GALNT2: variants seen among roughly 807,000 people sequenced by gnomAD.
GALNT2 encodes the protein polypeptide N-acetylgalactosaminyltransferase 2.
In GALNT2, 31 loss-of-function variants were observed where a neutral mutation model predicts 81.4. That is an observed-to-expected ratio of 0.38 (90% CI 0.29 to 0.51). The LOEUF (loss-of-function observed/expected upper bound fraction) is 0.51. GALNT2 is among the 20% of genes least tolerant of loss of function. GALNT2 has a pLI of 0.87. For synonymous variants in GALNT2, 303 were observed against 287.4 expected (o/e 1.05, Z -0.55); for missense variants, 629 against 765.7 (o/e 0.82, Z 2.11).
chr1:230,246,030 A>G (rs768973321), intron 7 of GALNT2, 33 bp from the exon 8 acceptor site: 1 of 1,581,856 alleles, frequency 6.3e-7, no homozygotes, highest in Non-Finnish European at 8.7e-7. Context: ...TTTTGCTGGG[A>G]TTTTGATAAC....
At chr1:230,112,610 C>T (rs765245037) in intron 1 of GALNT2, among the ~76,000 whole-genome samples, 9 of 152,120 alleles carry the variant, frequency 5.9e-5, no homozygotes, top group African/African-American at 1.7e-4. Flanking sequence ...AGCTGTGATT[C>T]GTTCTTTTCC....
At chr1:230,199,517 G>C (rs779467537) in intron 2 of GALNT2, among the ~76,000 whole-genome samples, 1 of 152,124 alleles carries the variant, frequency 6.6e-6, no homozygotes. Flanking sequence ...TCTGTTCCTC[G>C]CATATAGTGA....
At chr1:230,155,226 C>G (rs1166123973) in intron 1 of GALNT2, among the ~76,000 whole-genome samples, 1 of 152,164 alleles carries the variant, frequency 6.6e-6, no homozygotes, top group East Asian at 1.9e-4. Flanking sequence ...GAGGCAGTCA[C>G]CGTTTGGGGC....
rs181420781 is a variant in GALNT2, at chr1:230,088,156, T to C, written c.126+20750T>C. 3.1e-3 allele frequency among the ~76,000 whole-genome samples: 471 copies of C among 152,328 alleles called. 1 individual carries two copies. The highest frequency in any genetic ancestry group is 5.4e-3 in the Admixed American group (83 of 15,308). On this transcript the variant is annotated intron_variant, in intron 1 of 15. Coordinates refer to ENST00000366672, the MANE Select transcript of GALNT2 (RefSeq NM_004481.5). ...ATAAAGTTTACTGTCTTAACCATTT[T>C]TAAGTGTACAGTTTTGTAGTGTTAA...
intron 2 of GALNT2, among the ~76,000 whole-genome samples, chr1:230,184,863 A>G (rs565392052): frequency 6.6e-6 from 1 of 152,088 alleles, no homozygotes; most frequent in African/African-American, 2.4e-5. Context: ...CGATATTCCC[A>G]TCATGCATAT....
chr1:230,246,658 T>TA (rs1665380605), intron 8 of GALNT2, among the ~76,000 whole-genome samples: 1 of 152,170 alleles, frequency 6.6e-6, no homozygotes, highest in Non-Finnish European at 1.5e-5. Flanking sequence ...GTTCTGCTGA[T>TA]ACAGCCCCTT....
intron 1 of GALNT2, among the ~76,000 whole-genome samples, chr1:230,068,347 G>A (rs577813691): frequency 2.4e-4 from 36 of 152,378 alleles, no homozygotes; most frequent in South Asian, 8.3e-4. Context: ...CGCCGGCCGG[G>A]AGAGCAGGGC....
At chr1:230,184,029 T>C (rs112463440) in intron 2 of GALNT2, among the ~76,000 whole-genome samples, 8 of 152,220 alleles carry the variant, frequency 5.3e-5, no homozygotes, top group African/African-American at 1.9e-4. Flanking sequence ...CCTTCTTTGA[T>C]GCATCCTTTC....
At chr1:230,215,097 T>A (rs537629009) in intron 3 of GALNT2, among the ~76,000 whole-genome samples, 8 of 152,344 alleles carry the variant, frequency 5.3e-5, no homozygotes, top group Non-Finnish European at 8.8e-5. Flanking sequence ...AAGCTGGGTT[T>A]CGGTCTTTTG....
chr1:230,064,437 C>T (rs1659117362), upstream of GALNT2, among the ~76,000 whole-genome samples: 1 of 152,180 alleles, frequency 6.6e-6, no homozygotes, highest in African/African-American at 2.4e-5. Flanking sequence ...ATGTGAGTCA[C>T]GTTCTCTGAA....
intron 1 of GALNT2, among the ~76,000 whole-genome samples, chr1:230,169,856 A>G (rs577014708): frequency 6.6e-6 from 1 of 152,296 alleles, no homozygotes; most frequent in Admixed American, 6.5e-5. Context: ...CAAAATAGAA[A>G]TTTGCCCTCC....
intron 1 of GALNT2, among the ~76,000 whole-genome samples, chr1:230,112,382 GA>G (rs1660728190): frequency 7.3e-6 from 1 of 137,576 alleles, no homozygotes; most frequent in Non-Finnish European, 1.6e-5. Flanking sequence ...GGCGCCGGGG[GA>G]GGGGGGGGGC....
intron 2 of GALNT2, among the ~76,000 whole-genome samples, chr1:230,188,640 C>G (rs1663419866): frequency 6.6e-6 from 1 of 152,116 alleles, no homozygotes; most frequent in South Asian, 2.1e-4. Context: ...AAAAATATAT[C>G]TCTGTAGTTC....
intron 3 of GALNT2, among the ~76,000 whole-genome samples, chr1:230,215,776 C>T (rs893476077): frequency 4.6e-5 from 7 of 152,194 alleles, no homozygotes; most frequent in African/African-American, 1.7e-4. Flanking sequence ...CTTGCCTGGC[C>T]TGTCTTACAG....
intron 1 of GALNT2, among the ~76,000 whole-genome samples, chr1:230,081,468 C>G (rs969398293): frequency 6.8e-6 from 1 of 146,764 alleles, no homozygotes; most frequent in African/African-American, 2.6e-5. Context: ...ACATCTTGAG[C>G]TGTTACTATC....
At chr1:230,213,825 C>A (rs1191234159) in intron 3 of GALNT2, among the ~76,000 whole-genome samples, 9 of 152,226 alleles carry the variant, frequency 5.9e-5, no homozygotes, top group Non-Finnish European at 1.3e-4. Flanking sequence ...AGACAATGCA[C>A]AGACCTTCTA....
chr1:230,242,619 C>A (rs1212613932), intron 6 of GALNT2, among the ~76,000 whole-genome samples: 1 of 152,108 alleles, frequency 6.6e-6, no homozygotes, highest in Non-Finnish European at 1.5e-5. Flanking sequence ...ACTTCCCAGG[C>A]TCCAGTGATC....
At chr1:230,172,058 CTG>C (rs1428063271) in intron 1 of GALNT2, among the ~76,000 whole-genome samples, 11 of 152,146 alleles carry the variant, frequency 7.2e-5, no homozygotes, top group African/African-American at 1.9e-4. Context: ...CCTCTCAAAA[CTG>C]GAGGCTAGTC....
chr1:230,204,266 G>T (rs1239321464), intron 3 of GALNT2, among the ~76,000 whole-genome samples: 1 of 151,732 alleles, frequency 6.6e-6, no homozygotes. Flanking sequence ...TACTTCCCAG[G>T]TTCAAGCAAT....
Sources: allele counts gnomAD v4.1 joint callset (sites outside exome capture counted in the v4.1 genomes callset), GRCh38; gene constraint gnomAD v4.1.1; transcripts MANE v1.5; gene names NCBI Gene and HGNC (gene_info 2026-07-23, HGNC 2026-07-21).